SPIDR: variants seen among roughly 807,000 people sequenced by gnomAD.
The protein encoded by SPIDR is scaffold protein involved in DNA repair.
Under a neutral mutation model 104.6 loss-of-function variants are expected in SPIDR, and 93 were observed. That is an observed-to-expected ratio of 0.89 (90% CI 0.75 to 1.06). The LOEUF is 1.06. SPIDR is among the 50% of genes least tolerant of loss of function. SPIDR has a pLI of 0.00. For missense variants in SPIDR, 1,154 were observed against 1,111.2 expected, an observed-to-expected ratio of 1.04 and a Z score of -0.55; for synonymous variants, 431 against 416.9, an observed-to-expected ratio of 1.03 and a Z score of -0.41.
At chr8:47,676,985 G>A (rs2076528660) in intron 11 of SPIDR, among the ~76,000 whole-genome samples, 1 of 152,202 alleles carries the variant, frequency 6.6e-6, no homozygotes, top group Admixed American at 6.5e-5. Flanking sequence ...TATGTCGACT[G>A]GTCAGAGGAA....
intron 10 of SPIDR, chr8:47,654,096 T>C: frequency 7.8e-7 from 1 of 1,289,818 alleles, no homozygotes; most frequent in Non-Finnish European, 1.0e-6. Context: ...CCACCATGTG[T>C]GTACCAAGAG....
At chr8:47,573,826 G>A (rs952236971) in intron 8 of SPIDR, among the ~76,000 whole-genome samples, 7 of 152,170 alleles carry the variant, frequency 4.6e-5, no homozygotes, top group African/African-American at 1.2e-4. Context: ...TATGATACAC[G>A]CCCTGCTATA....
In SPIDR at chr8:47,440,365, A is replaced by G. The variant is rs1554695736; in HGVS notation, c.920A>G (p.His307Arg). The G allele has an allele frequency of 1.2e-6, 2 of 1,614,208 alleles. No individual in the cohort carries two copies. Among genetic ancestry groups the G allele is most frequent in the Admixed American group, 1.7e-5 (1 of 60,030 alleles). Residue 307 changes from histidine to arginine, a missense_variant, in exon 8 of 20, where the codon CAT becomes CGT. Coordinates refer to ENST00000297423, the MANE Select transcript of SPIDR (RefSeq NM_001080394.4). The stretch of plus-strand genomic sequence containing the variant: ...TTAACTGTGAAAATTTTAGAGCTGC[A>G]TGAGGAATGTGCCATGCAAGTTGCC... ...GVLTVKILELHEECAMQVAMC... is the reference protein window; with the variant it reads ...GVLTVKILELREECAMQVAMC...
chr8:47,540,915 A>C (rs1045513363), intron 8 of SPIDR, among the ~76,000 whole-genome samples: 2 of 152,180 alleles, frequency 1.3e-5, no homozygotes, highest in Non-Finnish European at 2.9e-5. Flanking sequence ...GCTGGAGTGC[A>C]GTGGCGCGGT....
chr8:47,660,192 G>A (rs2073880017), intron 10 of SPIDR, among the ~76,000 whole-genome samples: 1 of 152,078 alleles, frequency 6.6e-6, no homozygotes, highest in African/African-American at 2.4e-5. Flanking sequence ...GATTTGTTCT[G>A]TTGCCTTTAC....
chr8:47,487,447 G>A (rs1395793508), intron 8 of SPIDR, among the ~76,000 whole-genome samples: 3 of 152,082 alleles, frequency 2.0e-5, no homozygotes, highest in Non-Finnish European at 4.4e-5. Flanking sequence ...ACAGATCAAC[G>A]AGACAGAAAG....
intron 10 of SPIDR, among the ~76,000 whole-genome samples, chr8:47,671,803 A>G (rs1215425007): frequency 6.6e-6 from 1 of 152,118 alleles, no homozygotes; most frequent in Non-Finnish European, 1.5e-5. Flanking sequence ...ACTATCTTCT[A>G]AATCTTCTCA....
chr8:47,588,395 A>T lies in SPIDR; in HGVS notation c.1098-7416A>T, dbSNP rs554523226. Among the ~76,000 whole-genome samples the T allele has an allele frequency of 2.6e-5, 4 of 151,740 alleles. No individual in the cohort carries two copies. In the East Asian group the frequency reaches 7.7e-4, roughly 29 times the overall value. The stretch of plus-strand genomic sequence containing the variant: ...TTTGGTGTCCATGAATTCATTGACA[A>T]TATGTAGAAATACACCTAATTTTTG... On this transcript the variant is annotated intron_variant, in intron 8 of 19. Transcript: ENST00000297423.
At position 47,342,924 on chromosome 8, in the gene SPIDR, A is replaced by C. The variant is rs1420117207; in HGVS notation, c.525+48894A>C. Among the ~76,000 whole-genome samples the C allele has an allele frequency of 4.6e-5, 7 of 152,298 alleles. No homozygotes were observed. In the East Asian group the frequency reaches 1.2e-3, roughly 25 times the overall value. On this transcript the variant is annotated intron_variant, in intron 5 of 19. Transcript: ENST00000297423. ...AAAAACAAATCTCCCAGTCGCATCT[A>C]GGGTTCTGTTTGATTGGAAATTGTT...
At chr8:47,550,090 AT>A (rs1034416940) in intron 8 of SPIDR, among the ~76,000 whole-genome samples, 6 of 152,034 alleles carry the variant, frequency 3.9e-5, no homozygotes, top group Non-Finnish European at 8.8e-5. Context: ...GTGTGGTATT[AT>A]TTCTGAGGGC....
chr8:47,683,613 A>G (rs2077365172), intron 11 of SPIDR, among the ~76,000 whole-genome samples: 1 of 152,212 alleles, frequency 6.6e-6, no homozygotes, highest in South Asian at 2.1e-4. Context: ...AAATATGTGC[A>G]TTATACTTAC....
intron 16 of SPIDR, among the ~76,000 whole-genome samples, chr8:47,724,254 G>A (rs1228086497): frequency 6.6e-6 from 1 of 152,142 alleles, no homozygotes; most frequent in Non-Finnish European, 1.5e-5. Flanking sequence ...ATGAGAACCA[G>A]TCAACTAGGC....
chr8:47,525,970 C>A (rs888234036), intron 8 of SPIDR, among the ~76,000 whole-genome samples: 10 of 152,102 alleles, frequency 6.6e-5, no homozygotes, highest in Admixed American at 6.5e-5. Context: ...GTAGTTCCAG[C>A]CACCCCTTAA....
At chr8:47,336,802 A>G (rs2049847284) in intron 5 of SPIDR, among the ~76,000 whole-genome samples, 1 of 152,162 alleles carries the variant, frequency 6.6e-6, no homozygotes, top group Non-Finnish European at 1.5e-5. Context: ...TAGAAGTCAA[A>G]TTGTTAGATC....
chr8:47,576,351 A>G (rs1408897040), intron 8 of SPIDR, among the ~76,000 whole-genome samples: 3 of 152,186 alleles, frequency 2.0e-5, no homozygotes, highest in Non-Finnish European at 4.4e-5. Flanking sequence ...GGGTTTCCCC[A>G]TGTTGGCCAG....
In SPIDR at chr8:47,312,327, C is replaced by G. The variant is rs367956223; in HGVS notation, c.525+18297C>G. ...TCCACAATGGTTGAACTAGTTTACA[C>G]TCCCACCAACAGTGTAAAAGTGTTC... On this transcript the variant is annotated intron_variant, in intron 5 of 19. Coordinates refer to ENST00000297423, the MANE Select transcript of SPIDR (RefSeq NM_001080394.4). 1.5e-3 allele frequency among the ~76,000 whole-genome samples: 231 copies of G among 152,186 alleles called. 3 individuals are homozygous for G. The East Asian group carries it at 0.034, about 23-fold the overall frequency.
At chr8:47,484,697 GA>G in intron 8 of SPIDR, among the ~76,000 whole-genome samples, 1 of 152,324 alleles carries the variant, frequency 6.6e-6, no homozygotes, top group African/African-American at 2.4e-5. Context: ...TCCTGGATTA[GA>G]AAAGAATTGT....
At chr8:47,278,321 A>ATTTT (rs1293830434) in intron 1 of SPIDR, among the ~76,000 whole-genome samples, 2 of 137,950 alleles carry the variant, frequency 1.4e-5, no homozygotes, top group African/African-American at 5.3e-5. Flanking sequence ...ACACCCAGCT[A>ATTTT]TTTTTTTTTT....
chr8:47,640,007 C>G (rs2068609675), intron 10 of SPIDR, among the ~76,000 whole-genome samples: 2 of 152,068 alleles, frequency 1.3e-5, no homozygotes, highest in Non-Finnish European at 2.9e-5. Context: ...GCTGCCTCTT[C>G]TATTAGTACA....
Sources: gnomAD v4.1 joint callset for allele counts (sites outside exome capture counted in the v4.1 genomes callset) on GRCh38, gnomAD v4.1.1 for gene constraint, MANE v1.5 for transcripts, NCBI Gene and HGNC (gene_info 2026-07-23, HGNC 2026-07-21) for gene names.